Variants in RGS12 observed in about 807,000 individuals in gnomAD.
The protein encoded by RGS12 is regulator of G protein signaling 12, also known as regulator of G-protein signaling 12.
RGS12 carries 66 observed loss-of-function variants against 120.1 expected under a neutral mutation model. That is an observed-to-expected ratio of 0.55 (90% CI 0.45 to 0.67). RGS12 has a LOEUF of 0.67. Ranked by LOEUF, RGS12 falls within the 30% of genes least tolerant of loss-of-function variation. RGS12 has a pLI of 0.00. For missense variants in RGS12, 1,859 were observed against 1,957.7 expected (o/e 0.95, Z 0.95); for synonymous variants, 827 against 804.7 (o/e 1.03, Z -0.47).
chr4:3,290,643 G>A (rs1185023779), upstream of RGS12, among the ~76,000 whole-genome samples: 1 of 152,238 alleles, frequency 6.6e-6, no homozygotes, highest in Non-Finnish European at 1.5e-5. Flanking sequence ...TGTAGCCTAT[G>A]AGCTGTGGGT....
At chr4:3,325,508 G>C (rs978174739) in intron 2 of RGS12, among the ~76,000 whole-genome samples, 2 of 152,092 alleles carry the variant, frequency 1.3e-5, no homozygotes, top group Non-Finnish European at 2.9e-5. Flanking sequence ...TTATCAAAAG[G>C]GTGGGTCTGA....
intron 17 of RGS12, among the ~76,000 whole-genome samples, chr4:3,435,065 G>A (rs899342271): frequency 1.3e-5 from 2 of 152,126 alleles, no homozygotes; most frequent in African/African-American, 4.8e-5. Flanking sequence ...CCCTGGGGCA[G>A]CTCACTGGGC....
In RGS12 at chr4:3,417,486, G is replaced by T. The variant is rs746054513; in HGVS notation, c.2706G>T (p.Arg902=). The change falls in exon 9 of 18, where the codon CGG becomes CGT. Residue 902 remains arginine, a synonymous_variant. Transcript: ENST00000336727. ...KRKGAFFSWS[R]TRSTGRSQKK... is the part of the protein sequence containing the mutation. ...AAGGCGCGTTTTTCTCGTGGTCGCG[G>T]ACCAGGAGCACCGGGAGGTCCCAGA... 2 of 1,613,480 alleles carry T rather than the reference G, an allele frequency of 1.2e-6. No homozygotes were observed. Among genetic ancestry groups the T allele is most frequent in the Non-Finnish European group, 1.7e-6 (2 of 1,179,942 alleles).
At chr4:3,431,638 T>C in intron 17 of RGS12, 1 of 985,554 alleles carries the variant, frequency 1.0e-6, no homozygotes, top group Non-Finnish European at 1.2e-6. Context: ...TACCAGAAAC[T>C]GAGGCGAGGC....
In RGS12 at chr4:3,365,980, T is replaced by G. The variant is rs1716261368; in HGVS notation, c.1999-20436T>G. ...AACATGCTCAGTGTTGACCCCTCCC[T>G]GCCTTGTGGAGCTGGTCCTGGATGG... On this transcript the variant is annotated intron_variant, in intron 3 of 17. Coordinates refer to ENST00000336727, the MANE Select transcript of RGS12 (RefSeq NM_001394154.1). This position sits in a 1 kb window ranked among gnomAD's most constrained non-coding sequence, Gnocchi z 4.0. Among the ~76,000 whole-genome samples, 1 of 152,286 alleles carries G rather than the reference T, an allele frequency of 6.6e-6. No homozygotes were observed. The highest frequency in any genetic ancestry group is 2.4e-5 in the African/African-American group (1 of 41,552).
chr4:3,322,495 T>C (rs947504864), intron 2 of RGS12, among the ~76,000 whole-genome samples: 9 of 152,202 alleles, frequency 5.9e-5, no homozygotes, highest in Non-Finnish European at 1.2e-4. Context: ...GATCTCGAAA[T>C]GCTTCTGTCA....
rs1428199457 is a variant in RGS12 at position 3,431,246 on chromosome 4, G to A, written c.4114+291G>A. 8 of 1,294,482 alleles carry A rather than the reference G, an allele frequency of 6.2e-6. No individual in the cohort carries two copies. In the African/African-American group the frequency reaches 1.1e-4, roughly 17 times the overall value. The allele number at this position is 1,294,482 out of a possible 1,614,324, so 80.2% of individuals were successfully genotyped here. On this transcript the variant is annotated intron_variant, in intron 17 of 17. Coordinates refer to ENST00000336727, the MANE Select transcript of RGS12 (RefSeq NM_001394154.1). ...GTGGCAGTGCCTGCAGCGAGGTCTG[G>A]GAACACCCTGGGTGAGGCCTGGGGG... is the stretch of plus-strand genomic sequence containing the variant.
At chr4:3,414,698 G>A (rs1722143910) in intron 5 of RGS12, 54 bp from the exon 6 acceptor site, 1 of 1,313,132 alleles carries the variant, frequency 7.6e-7, no homozygotes, top group African/African-American at 1.5e-5. Flanking sequence ...GGGGAAGTAG[G>A]AAAAAGGAGG....
At chr4:3,407,251 G>T (rs551125513) in intron 4 of RGS12, 1 of 152,232 alleles carries the variant, frequency 6.6e-6, no homozygotes, top group African/African-American at 2.4e-5. Flanking sequence ...AGCAGCTGAG[G>T]GGCTGCTGTG....
At chr4:3,303,162 A>C (rs916148161) in intron 1 of RGS12, among the ~76,000 whole-genome samples, 1 of 152,226 alleles carries the variant, frequency 6.6e-6, no homozygotes, top group Non-Finnish European at 1.5e-5. Flanking sequence ...GGCTGGACCC[A>C]GTGGGACAGG....
At chr4:3,417,632 G>A in intron 9 of RGS12, 91 bp downstream of exon 9, 3 of 1,420,732 alleles carry the variant, frequency 2.1e-6, no homozygotes, top group Non-Finnish European at 2.9e-6. Context: ...GTGACCTTGG[G>A]CCATGTGTGC....
intron 17 of RGS12, among the ~76,000 whole-genome samples, chr4:3,435,976 C>T (rs994718719): frequency 3.3e-5 from 5 of 151,656 alleles, no homozygotes; most frequent in African/African-American, 1.2e-4. Context: ...TCCCCACTCC[C>T]CTATTCCCCA....
intron 2 of RGS12, among the ~76,000 whole-genome samples, chr4:3,336,124 A>G (rs1048681086): frequency 6.6e-6 from 1 of 151,900 alleles, no homozygotes; most frequent in Non-Finnish European, 1.5e-5. Context: ...CAAACAAACA[A>G]AACCCAAGGG....
intron 3 of RGS12, among the ~76,000 whole-genome samples, chr4:3,384,907 G>A (rs1018208236): frequency 2.0e-5 from 3 of 152,226 alleles, no homozygotes; most frequent in Admixed American, 6.5e-5. Flanking sequence ...TGCCCTTGCC[G>A]GCAGGCTGGG....
chr4:3,434,211 G>A (rs927358539), intron 17 of RGS12, among the ~76,000 whole-genome samples: 7 of 152,128 alleles, frequency 4.6e-5, no homozygotes, highest in African/African-American at 7.2e-5. Context: ...TACGAGAACC[G>A]GCAGAGGAAA....
chr4:3,395,344 G>A (rs1412956877), intron 4 of RGS12, among the ~76,000 whole-genome samples: 1 of 152,188 alleles, frequency 6.6e-6, no homozygotes, highest in African/African-American at 2.4e-5. Context: ...TGTCCATGGT[G>A]CAAATATGGC....
chr4:3,301,629 C>T (rs184741804), intron 1 of RGS12, among the ~76,000 whole-genome samples: 10 of 126,718 alleles, frequency 7.9e-5, no homozygotes, highest in South Asian at 5.2e-4. Flanking sequence ...GTCCGAGGGC[C>T]GGGGATGGAC....
intron 1 of RGS12, among the ~76,000 whole-genome samples, chr4:3,309,679 C>CTCTGAGGAGA (rs1724229238): frequency 1.4e-5 from 1 of 73,258 alleles, no homozygotes; most frequent in Non-Finnish European, 3.1e-5. Context: ...GGCAGGTGTC[C>CTCTGAGGAGA]GCTGAGGGGA....
At chr4:3,400,250 A>G (rs1228157617) in intron 4 of RGS12, among the ~76,000 whole-genome samples, 3 of 152,266 alleles carry the variant, frequency 2.0e-5, no homozygotes, top group Non-Finnish European at 4.4e-5. Context: ...TGTAAATAAA[A>G]TAATTAGCAA....
Sources: gnomAD v4.1 joint callset for allele counts (sites outside exome capture counted in the v4.1 genomes callset) on GRCh38, gnomAD v4.1.1 for gene constraint, Gnocchi (gnomAD v3.1) non-coding constraint, MANE v1.5 for transcripts, NCBI Gene and HGNC (gene_info 2026-07-23, HGNC 2026-07-21) for gene names.